The following TNNI3K variants were observed in gnomAD, a reference collection of about 807,000 sequenced individuals.
TNNI3K encodes the protein TNNI3 interacting kinase.
TNNI3K carries 140 observed loss-of-function variants against 114.5 expected under a neutral mutation model. The observed-to-expected ratio is 1.22, with a 90% confidence interval of 1.07 to 1.41. The LOEUF is 1.41. TNNI3K is among the 40% of genes most tolerant of loss of function. TNNI3K has a pLI of 0.00. For synonymous variants in TNNI3K, 347 were observed against 347.5 expected, an observed-to-expected ratio of 1.00 and a Z score of 0.02; for missense variants, 1,125 against 1,007.6, an observed-to-expected ratio of 1.12 and a Z score of -1.58.
intron 5 of TNNI3K, among the ~76,000 whole-genome samples, chr1:74,279,973 G>A (rs188251033): frequency 2.6e-5 from 4 of 152,210 alleles, no homozygotes; most frequent in African/African-American, 9.6e-5. Flanking sequence ...CCCAGCAATC[G>A]TCCCCTTAAC....
chr1:74,455,404 T>G (rs1056681911), intron 20 of TNNI3K, among the ~76,000 whole-genome samples: 1 of 152,130 alleles, frequency 6.6e-6, no homozygotes, highest in Non-Finnish European at 1.5e-5. Context: ...AGGACATCAG[T>G]CAAACAACAC....
chr1:74,488,067 G>T (rs950678084), intron 21 of TNNI3K, among the ~76,000 whole-genome samples: 1 of 152,200 alleles, frequency 6.6e-6, no homozygotes, highest in South Asian at 2.1e-4. Context: ...ATGATCATTT[G>T]CATGGATAAT....
At chr1:74,476,969 T>C (rs1304690236) in intron 21 of TNNI3K, among the ~76,000 whole-genome samples, 1 of 152,184 alleles carries the variant, frequency 6.6e-6, no homozygotes, top group African/African-American at 2.4e-5. Flanking sequence ...TACCATATCT[T>C]GAACTCTTAA....
chr1:74,471,083 C>G (rs1054068442), intron 21 of TNNI3K: 1 of 400,630 alleles, frequency 2.5e-6, no homozygotes, highest in Non-Finnish European at 4.4e-6. Context: ...TGCTCAGCAT[C>G]AGTGGGTGTA....
chr1:74,350,865 C>T (rs1163863499), intron 9 of TNNI3K, among the ~76,000 whole-genome samples: 3 of 151,972 alleles, frequency 2.0e-5, no homozygotes, highest in Non-Finnish European at 4.4e-5. Flanking sequence ...TGTGTCTCTG[C>T]ACGTGAGATG....
At chr1:74,307,033 G>C (rs971281058) in intron 5 of TNNI3K, among the ~76,000 whole-genome samples, 1 of 152,090 alleles carries the variant, frequency 6.6e-6, no homozygotes, top group East Asian at 1.9e-4. Context: ...ATTAAGTTTT[G>C]TATGCAGTGA....
intron 22 of TNNI3K, 147 bp from the exon 23 acceptor site, chr1:74,491,950 C>G: frequency 8.0e-7 from 1 of 1,246,570 alleles, no homozygotes. Context: ...TAGACTTTTT[C>G]CTGAAAGGAA....
chr1:74,486,117 CTG>C (rs140047513), intron 21 of TNNI3K, among the ~76,000 whole-genome samples: 2,926 of 151,940 alleles, frequency 0.019, 96 homozygotes, highest in African/African-American at 0.067. Flanking sequence ...ATTCTGTCCT[CTG>C]TTCCTTCAAA....
intron 17 of TNNI3K, among the ~76,000 whole-genome samples, chr1:74,393,221 G>A (rs975947689): frequency 2.0e-5 from 3 of 152,022 alleles, no homozygotes; most frequent in African/African-American, 7.2e-5. Flanking sequence ...CAGTGGAGAA[G>A]GACAGGAATA....
At chr1:74,534,313 G>A (rs1388900200) in intron 23 of TNNI3K, among the ~76,000 whole-genome samples, 1 of 152,144 alleles carries the variant, frequency 6.6e-6, no homozygotes, top group Admixed American at 6.6e-5. Flanking sequence ...TCAGAAGAAT[G>A]TGATTTTAAA....
intron 5 of TNNI3K, among the ~76,000 whole-genome samples, chr1:74,315,556 GT>G (rs201390018): frequency 2.1e-4 from 30 of 145,096 alleles, no homozygotes; most frequent in Admixed American, 4.8e-4. Flanking sequence ...CAAGTTTTTG[GT>G]TTTTTTTTTT....
chr1:74,253,811 G>T (rs974232276), intron 4 of TNNI3K, among the ~76,000 whole-genome samples: 10 of 152,178 alleles, frequency 6.6e-5, no homozygotes, highest in Non-Finnish European at 1.5e-4. Context: ...GCAGCAGCGG[G>T]CTGAAGGGCT....
chr1:74,426,158 A>G (rs1272802839), intron 17 of TNNI3K, among the ~76,000 whole-genome samples: 1 of 152,128 alleles, frequency 6.6e-6, no homozygotes, highest in Non-Finnish European at 1.5e-5. Flanking sequence ...ATACCATAGT[A>G]AAAGCTATAG....
At chr1:74,358,847 T>C (rs1466204279) in intron 11 of TNNI3K, among the ~76,000 whole-genome samples, 2 of 152,018 alleles carry the variant, frequency 1.3e-5, no homozygotes, top group Non-Finnish European at 2.9e-5. Context: ...AAAATGTTTT[T>C]GAAATATAAT....
chr1:74,450,466 G>A, intron 20 of TNNI3K, among the ~76,000 whole-genome samples: 1 of 151,588 alleles, frequency 6.6e-6, no homozygotes. Flanking sequence ...AGAGTGAGCA[G>A]ACAATCTACC....
chr1:74,341,192 G>T lies in TNNI3K; in HGVS notation c.683-1650G>T, dbSNP rs184900534. 4.6e-5 allele frequency among the ~76,000 whole-genome samples: 7 copies of T among 152,290 alleles called. No individual in the cohort carries two copies. The East Asian group carries it at 1.3e-3, about 29-fold the overall frequency. On this transcript the variant is annotated intron_variant, in intron 7 of 24. Transcript: ENST00000326637. ...TAGGAATTGAGCAGTTTGATGTTCA[G>T]TTGTTTTTACTTCAGGACTGTAATT...
At chr1:74,342,661 G>C (rs1660805468) in intron 7 of TNNI3K, among the ~76,000 whole-genome samples, 181 bp from the exon 8 acceptor site, 1 of 152,034 alleles carries the variant, frequency 6.6e-6, no homozygotes, top group Non-Finnish European at 1.5e-5. Context: ...GTGGTAGTAG[G>C]CAATAGAATA....
At chr1:74,543,225 C>A (rs1051325000) in intron 24 of TNNI3K, among the ~76,000 whole-genome samples, 1 of 151,730 alleles carries the variant, frequency 6.6e-6, no homozygotes, top group Middle Eastern at 3.2e-3. Flanking sequence ...CAGGCACATG[C>A]CACCACACCC....
At chr1:74,394,648 GC>G (rs559646587) in intron 17 of TNNI3K, among the ~76,000 whole-genome samples, 61 of 152,264 alleles carry the variant, frequency 4.0e-4, no homozygotes, top group Admixed American at 1.1e-3. Context: ...TATTCAGCCT[GC>G]CCAGCTATTT....
Sources: gnomAD v4.1 joint callset for allele counts (sites outside exome capture counted in the v4.1 genomes callset) on GRCh38, gnomAD v4.1.1 for gene constraint, MANE v1.5 for transcripts, NCBI Gene and HGNC (gene_info 2026-07-23, HGNC 2026-07-21) for gene names.